The following LRP1B variants were observed in gnomAD, a reference collection of about 807,000 sequenced individuals.
The protein encoded by LRP1B is low-density lipoprotein receptor-related protein 1B.
In LRP1B, 217 loss-of-function variants were observed where a neutral mutation model predicts 556.6. The observed-to-expected ratio is 0.39, with a 90% confidence interval of 0.35 to 0.44. The LOEUF (loss-of-function observed/expected upper bound fraction) is 0.44, where lower values mean the gene tolerates loss of function less well. Ranked by LOEUF, LRP1B falls within the 20% of genes least tolerant of loss-of-function variation. The probability of loss-of-function intolerance (pLI) is 1.00; values close to 1 mark genes in which losing one functional copy is unlikely to be tolerated. For synonymous variants in LRP1B, 2,047 were observed against 1,865.8 expected, an observed-to-expected ratio of 1.10 and a Z score of -2.50; for missense variants, 5,053 against 5,620.8, an observed-to-expected ratio of 0.90 and a Z score of 3.23.
At chr2:140,803,337 C>T (rs947070650) in intron 32 of LRP1B, among the ~76,000 whole-genome samples, 1 of 142,442 alleles carries the variant, frequency 7.0e-6, no homozygotes, top group Non-Finnish European at 1.5e-5. Context: ...TGCAGTGGCG[C>T]GCGATCTTGG....
chr2:141,449,001 A>G (rs564951557), intron 3 of LRP1B, among the ~76,000 whole-genome samples: 8 of 152,356 alleles, frequency 5.3e-5, no homozygotes, highest in African/African-American at 1.9e-4. Context: ...TGCTTTAAGA[A>G]TCTTTGTTAA....
At chr2:141,226,239 C>T (rs932133559) in intron 6 of LRP1B, among the ~76,000 whole-genome samples, 1 of 151,822 alleles carries the variant, frequency 6.6e-6, no homozygotes, top group African/African-American at 2.4e-5. Flanking sequence ...AAGAAAAAAA[C>T]AGGGCTTAGA....
intron 21 of LRP1B, among the ~76,000 whole-genome samples, chr2:140,917,848 G>T (rs1694623927): frequency 6.6e-6 from 1 of 152,100 alleles, no homozygotes; most frequent in Admixed American, 6.6e-5. Flanking sequence ...ATAGACTTTG[G>T]ATGAGAAAGA....
At chr2:140,920,847 G>A (rs371685155) in intron 21 of LRP1B, among the ~76,000 whole-genome samples, 19 of 151,822 alleles carry the variant, frequency 1.3e-4, no homozygotes, top group East Asian at 7.7e-4. Context: ...TAGAAACATC[G>A]GATGTTTAAT....
intron 31 of LRP1B, among the ~76,000 whole-genome samples, chr2:140,831,983 A>C (rs1691733421): frequency 6.6e-6 from 1 of 152,210 alleles, no homozygotes; most frequent in Non-Finnish European, 1.5e-5. Flanking sequence ...ACCTCACCCC[A>C]GTTGGAATGG....
At chr2:140,709,943 C>T (rs891056079) in intron 37 of LRP1B, among the ~76,000 whole-genome samples, 2 of 151,630 alleles carry the variant, frequency 1.3e-5, no homozygotes, top group African/African-American at 4.8e-5. Flanking sequence ...ATTTCCAAGC[C>T]GTAATAAATA....
At chr2:141,060,681 T>G (rs941926159) in intron 8 of LRP1B, among the ~76,000 whole-genome samples, 1 of 151,602 alleles carries the variant, frequency 6.6e-6, no homozygotes, top group Non-Finnish European at 1.5e-5. Context: ...GTAGAAAACA[T>G]GTTCACCCAG....
chr2:141,554,273 C>T (rs1685878129), intron 2 of LRP1B, among the ~76,000 whole-genome samples: 1 of 109,258 alleles, frequency 9.2e-6, no homozygotes, highest in South Asian at 4.0e-4. Flanking sequence ...TTATATATAT[C>T]TATAGGAATA....
At chr2:141,719,898 T>C (rs958434330) in intron 2 of LRP1B, among the ~76,000 whole-genome samples, 1 of 152,120 alleles carries the variant, frequency 6.6e-6, no homozygotes, top group Non-Finnish European at 1.5e-5. Flanking sequence ...TTGAGTAATA[T>C]GCTCACTACC....
intron 2 of LRP1B, among the ~76,000 whole-genome samples, chr2:141,497,945 AAC>A (rs1201420263): frequency 3.3e-5 from 5 of 150,404 alleles, no homozygotes; most frequent in African/African-American, 1.2e-4. Flanking sequence ...AAAATAACCT[AAC>A]ACAGTCATAC....
chr2:141,314,683 C>T (rs1352974192), intron 3 of LRP1B, among the ~76,000 whole-genome samples: 2 of 149,560 alleles, frequency 1.3e-5, no homozygotes, highest in Non-Finnish European at 1.5e-5. Flanking sequence ...CCCACCTAAT[C>T]GGGAGGCTGA....
intron 18 of LRP1B, among the ~76,000 whole-genome samples, chr2:140,975,424 C>T (rs35568890): frequency 0.74 from 111,665 of 151,918 alleles, 41,576 homozygotes; most frequent in Admixed American, 0.79. Flanking sequence ...TTCCTCTAGA[C>T]CTGCTTGAAA....
At chr2:141,500,100 A>G in intron 2 of LRP1B, among the ~76,000 whole-genome samples, 1 of 152,132 alleles carries the variant, frequency 6.6e-6, no homozygotes, top group Admixed American at 6.6e-5. Context: ...TGTATTAGGA[A>G]GAGGGGGATG....
chr2:140,392,622 G>A (rs984577874), intron 66 of LRP1B, among the ~76,000 whole-genome samples: 4 of 151,866 alleles, frequency 2.6e-5, no homozygotes, highest in African/African-American at 9.7e-5. Flanking sequence ...CAAGTAGCTG[G>A]GACTACAGGC....
At chr2:141,571,004 A>C (rs960260027) in intron 2 of LRP1B, among the ~76,000 whole-genome samples, 9 of 151,276 alleles carry the variant, frequency 5.9e-5, no homozygotes, top group African/African-American at 2.2e-4. Flanking sequence ...CAGGCAGCCC[A>C]GACGAGTGGG....
intron 3 of LRP1B, among the ~76,000 whole-genome samples, chr2:141,448,594 G>T (rs115578972): frequency 0.025 from 3,839 of 152,202 alleles, 167 homozygotes; most frequent in African/African-American, 0.088. Context: ...TATCTGGGCC[G>T]GATTGCACCA....
intron 2 of LRP1B, among the ~76,000 whole-genome samples, chr2:141,686,540 C>A (rs1353882770): frequency 6.6e-6 from 1 of 151,836 alleles, no homozygotes; most frequent in Non-Finnish European, 1.5e-5. Flanking sequence ...TAGTTGTCAT[C>A]AATGGGCTAC....
chr2:141,043,398 A>C (rs569578550), intron 11 of LRP1B, among the ~76,000 whole-genome samples: 34 of 152,040 alleles, frequency 2.2e-4, no homozygotes, highest in African/African-American at 7.0e-4. Flanking sequence ...ACAACAAAAG[A>C]AGCGGCAAAA....
intron 43 of LRP1B, among the ~76,000 whole-genome samples, chr2:140,578,148 G>A (rs1172042300): frequency 6.6e-6 from 1 of 152,130 alleles, no homozygotes; most frequent in Non-Finnish European, 1.5e-5. Flanking sequence ...AACTGGACAA[G>A]TTTAAACAAC....
Sources: allele counts gnomAD v4.1 joint callset (sites outside exome capture counted in the v4.1 genomes callset), GRCh38; gene constraint gnomAD v4.1.1; transcripts MANE v1.5; gene names NCBI Gene and HGNC (gene_info 2026-07-23, HGNC 2026-07-21).